SHOC1: variants seen among roughly 807,000 people sequenced by gnomAD.
SHOC1 encodes the protein protein shortage in chiasmata 1 ortholog.
SHOC1 carries 136 observed loss-of-function variants against 179.2 expected under a neutral mutation model. The observed-to-expected ratio is 0.76, with a 90% CI of 0.66 to 0.87. SHOC1 has a LOEUF of 0.87. Among genes scored for constraint, SHOC1 ranks in the 40% least tolerant of loss-of-function variants. The probability of loss-of-function intolerance (pLI) is 0.00; values close to 1 mark genes in which losing one functional copy is unlikely to be tolerated. For missense variants in SHOC1, 1,538 were observed against 1,700.8 expected (o/e 0.90, Z 1.68); for synonymous variants, 489 against 586.6 (o/e 0.83, Z 2.41).
rs139972988 is a variant in SHOC1, at chr9:111,752,202, T to G, written c.863-4003A>C. 1.2e-4 allele frequency among the ~76,000 whole-genome samples: 18 copies of G among 152,140 alleles called. No homozygotes were observed. In the East Asian group the frequency reaches 3.5e-3, roughly 29 times the overall value. On this transcript the variant is annotated intron_variant, in intron 8 of 27. Transcript: ENST00000682961. ...GAGGACAGTTCTACATGAATTAGAG[T>G]TCAGGGTTACCACAGCAGCTGGAAG...
chr9:111,771,002 C>A (rs987119635), intron 5 of SHOC1, among the ~76,000 whole-genome samples: 4 of 151,966 alleles, frequency 2.6e-5, no homozygotes, highest in African/African-American at 9.7e-5. Flanking sequence ...AAATTGAGAC[C>A]ATTTACATTC....
At chr9:111,771,244 GATA>G (rs1448044085) in intron 5 of SHOC1, among the ~76,000 whole-genome samples, 2 of 152,098 alleles carry the variant, frequency 1.3e-5, no homozygotes, top group African/African-American at 4.8e-5. Context: ...ATTTTAAAGA[GATA>G]ATATTTTGGA....
In SHOC1 at chr9:111,692,248, T is replaced by TA. The variant is rs776727452; in HGVS notation, c.3728dup (p.Leu1243PhefsTer19). The TA allele has an allele frequency of 6.2e-7, 1 of 1,613,744 alleles. No individual in the cohort carries two copies. Among genetic ancestry groups the TA allele is most frequent in the African/African-American group, 1.3e-5 (1 of 75,050 alleles). ...TCTGATTGTATGAAGTCACAGGTGG[T>TA]AAAAAACTTGAGATTTCTTTTAGTT... On this transcript the variant is annotated frameshift_variant, in exon 27 of 28. Transcript: ENST00000682961. LOFTEE classifies it high-confidence loss of function.
chr9:111,700,079 C>T, intron 23 of SHOC1, 32 bp from the exon 24 acceptor site: 1 of 1,036,368 alleles, frequency 9.6e-7, no homozygotes, highest in Non-Finnish European at 1.5e-6. Context: ...TATTTCTATT[C>T]ATTTGATATC....
rs750679580 is a variant in SHOC1 at position 111,713,142 on chromosome 9, C to A, written c.2446G>T (p.Gly816Cys). ...ATTTTAATGAGAAAATGTTTTTCACCGTCTGAGTCCATTCTTATTATAATC... is the reference window on the plus strand; with the variant it reads ...ATTTTAATGAGAAAATGTTTTTCACAGTCTGAGTCCATTCTTATTATAATC... Reference protein sequence around the residue: ...VLIIIRMDSDGEKHFLIKILN... With the variant: ...VLIIIRMDSDCEKHFLIKILN... The change falls in exon 18 of 28, where the codon GGT becomes TGT. Residue 816 changes from glycine (G) to cysteine (C), a missense_variant. By Grantham distance (159) the Gly-to-Cys change is radical. Coordinates refer to ENST00000682961, the MANE Select transcript of SHOC1 (RefSeq NM_001378211.1). 1.3e-6 allele frequency: 2 copies of A among 1,570,142 alleles called. No homozygotes were observed. The highest frequency in any genetic ancestry group is 2.3e-5 in the South Asian group (2 of 88,390).
intron 20 of SHOC1, among the ~76,000 whole-genome samples, chr9:111,706,229 A>G (rs1168895575): frequency 6.6e-6 from 1 of 152,172 alleles, no homozygotes; most frequent in East Asian, 1.9e-4. Flanking sequence ...GCATACTATT[A>G]CACAACTGTC....
At chr9:111,700,172 G>A in intron 23 of SHOC1, 125 bp from the exon 24 acceptor site, 1 of 511,808 alleles carries the variant, frequency 2.0e-6, no homozygotes, top group Non-Finnish European at 3.2e-6. Context: ...ATACTAGTGT[G>A]GCAAATTTGT....
chr9:111,710,361 A>T (rs184112027), intron 18 of SHOC1, among the ~76,000 whole-genome samples: 8 of 152,206 alleles, frequency 5.3e-5, no homozygotes, highest in Non-Finnish European at 1.2e-4. Flanking sequence ...TTCTCACATT[A>T]CCATAATTTA....
intron 12 of SHOC1, among the ~76,000 whole-genome samples, chr9:111,735,233 G>A (rs1016204781): frequency 2.6e-5 from 4 of 151,838 alleles, no homozygotes; most frequent in South Asian, 2.1e-4. Flanking sequence ...TGTGCAGAAC[G>A]TGTAGGTTTG....
At position 111,785,962 on chromosome 9, in the gene SHOC1, C is replaced by T. The variant is rs1395823905; in HGVS notation, c.119G>A (p.Ser40Asn). ...ATTATCAGTAACTGCTACATGGTAA[C>T]TTTCATCTTGATATAAACATGAAGG... ...RIPSCLYQDE[S>N]YHVAVTDNKF... The change falls in exon 3 of 28, where the codon AGT becomes AAT. Residue 40 changes from serine to asparagine, a missense_variant. Ser to Asn is a conservative substitution (Grantham distance 46). Coordinates refer to ENST00000682961, the MANE Select transcript of SHOC1 (RefSeq NM_001378211.1). The T allele has an allele frequency of 1.3e-6, 2 of 1,529,568 alleles. No homozygotes were observed. Among genetic ancestry groups the T allele is most frequent in the Non-Finnish European group, 1.8e-6 (2 of 1,138,314 alleles). 94.7% of individuals were successfully genotyped at this position (1,529,568 alleles called of 1,614,324 possible).
intron 21 of SHOC1, among the ~76,000 whole-genome samples, chr9:111,704,543 C>T (rs761854878): frequency 6.6e-6 from 1 of 152,102 alleles, no homozygotes; most frequent in African/African-American, 2.4e-5. Flanking sequence ...CCATCATGCC[C>T]TTAACTACCT....
chr9:111,690,366 C>T (rs1831373669), intron 27 of SHOC1, among the ~76,000 whole-genome samples: 1 of 152,068 alleles, frequency 6.6e-6, no homozygotes, highest in South Asian at 2.1e-4. Flanking sequence ...GTGGGGGTGG[C>T]AGTGAACCAA....
At chr9:111,699,051 T>G (rs1831839076) in intron 24 of SHOC1, among the ~76,000 whole-genome samples, 1 of 152,160 alleles carries the variant, frequency 6.6e-6, no homozygotes, top group African/African-American at 2.4e-5. Context: ...TATAGTCTAG[T>G]GAGTGAAATA....
At chr9:111,714,362 T>C in intron 17 of SHOC1, 83 bp downstream of exon 17, 1 of 1,457,612 alleles carries the variant, frequency 6.9e-7, no homozygotes. Flanking sequence ...ACTTCATAAT[T>C]TTAAAGTTAA....
Position 111,692,455 on chromosome 9 carries a change from T to C in SHOC1, c.3522A>G (p.Ser1174=), listed in dbSNP as rs73656294. The change falls in exon 27 of 28, where the codon TCA becomes TCG. Residue 1174 remains serine (S), a synonymous_variant. Transcript: ENST00000682961. ...TTTCCTGAGGTGACGAAATTTGCGGTGATTTTGTTATGGAAGAAGAACCAA... is the reference window on the plus strand; with the variant it reads ...TTTCCTGAGGTGACGAAATTTGCGGCGATTTTGTTATGGAAGAAGAACCAA... ...FKIGSSSITK[S]PQISSPQENR... The C allele has an allele frequency of 2.1e-3, 3,446 of 1,605,918 alleles. 58 individuals are homozygous for C. In the African/African-American group the frequency reaches 0.039, roughly 18 times the overall value.
At chr9:111,786,325 C>T (rs530713622) in intron 2 of SHOC1, among the ~76,000 whole-genome samples, 12 of 152,144 alleles carry the variant, frequency 7.9e-5, no homozygotes, top group African/African-American at 2.9e-4. Flanking sequence ...GTCCCAGCTC[C>T]TCAGGAGGCT....
rs1832886524 is a variant in SHOC1 at position 111,718,280 on chromosome 9, C to T, written c.2140G>A (p.Asp714Asn). 6.3e-7 allele frequency: 1 copy of T among 1,587,688 alleles called. No individual in the cohort carries two copies. The highest frequency in any genetic ancestry group is 8.5e-7 in the Non-Finnish European group (1 of 1,170,116). ...VSDAVRQGTI[D>N]EREMTFKHAA... ...TGCTTGAAAGTCATTTCTCTTTCAT[C>T]AATTGTACCTAAGTAAGCAAAAATG... Residue 714 changes from aspartate (D) to asparagine (N), a missense_variant, in exon 16 of 28, where the codon GAT becomes AAT. Transcript: ENST00000682961.
chr9:111,715,453 T>A (rs774328237), intron 16 of SHOC1, among the ~76,000 whole-genome samples: 1 of 152,216 alleles, frequency 6.6e-6, no homozygotes, highest in Non-Finnish European at 1.5e-5. Flanking sequence ...GAGACTGACT[T>A]ACGTTCTTTC....
chr9:111,790,058 G>A (rs555958830), intron 2 of SHOC1, among the ~76,000 whole-genome samples: 2 of 152,250 alleles, frequency 1.3e-5, no homozygotes, highest in Admixed American at 6.5e-5. Flanking sequence ...CATGACAATT[G>A]TTCTAGTTAG....
Sources: allele counts gnomAD v4.1 joint callset (sites outside exome capture counted in the v4.1 genomes callset), GRCh38; gene constraint gnomAD v4.1.1; transcripts MANE v1.5; gene names NCBI Gene and HGNC (gene_info 2026-07-23, HGNC 2026-07-21).